The following ARHGEF33 variants were observed in gnomAD, a reference collection of about 807,000 sequenced individuals.
The protein encoded by ARHGEF33 is DH and coiled-coil domain-containing protein ENSP00000381780.
Under a neutral mutation model 101.9 loss-of-function variants are expected in ARHGEF33, and 72 were observed. That is an observed-to-expected ratio of 0.71 (90% CI 0.58 to 0.86). The LOEUF (loss-of-function observed/expected upper bound fraction) is 0.86, where lower values mean the gene tolerates loss of function less well. Among genes scored for constraint, ARHGEF33 ranks in the 40% least tolerant of loss-of-function variants. The probability of loss-of-function intolerance (pLI) is 0.00; values close to 1 mark genes in which losing one functional copy is unlikely to be tolerated. For missense variants in ARHGEF33, 1,169 were observed against 1,111.3 expected, an observed-to-expected ratio of 1.05 and a Z score of -0.74; for synonymous variants, 499 against 442.5, an observed-to-expected ratio of 1.13 and a Z score of -1.60.
In ARHGEF33 at chr2:38,935,807, A is replaced by G. The variant is rs1288304402; in HGVS notation, c.538A>G (p.Ser180Gly). Reference sequence around the variant, plus strand: ...GTCCAGATCTGTTCATGTAGGAGACAGTAATGTAAAAGGAATGATGGGTCC... The same window carrying G: ...GTCCAGATCTGTTCATGTAGGAGACGGTAATGTAAAAGGAATGATGGGTCC... ...QESRSVHVGD[S>G]NVKGMMGPGV... The change falls in exon 8 of 18, where the codon AGT (serine) becomes GGT (glycine). Residue 180 changes from serine to glycine, a missense_variant. Ser to Gly is a moderately conservative substitution (Grantham distance 56). Coordinates refer to ENST00000409978, the MANE Select transcript of ARHGEF33 (RefSeq NM_001145451.5). The G allele has an allele frequency of 2.0e-5, 31 of 1,551,992 alleles. No individual in the cohort carries two copies. Among genetic ancestry groups the G allele is most frequent in the Non-Finnish European group, 2.7e-5 (31 of 1,146,984 alleles).
At chr2:38,913,644 C>T (rs768993365) in intron 2 of ARHGEF33, among the ~76,000 whole-genome samples, 12 of 151,762 alleles carry the variant, frequency 7.9e-5, no homozygotes, top group East Asian at 1.9e-4. Context: ...GGCGTGGTGG[C>T]GCACGCCTGT....
intron 17 of ARHGEF33, among the ~76,000 whole-genome samples, chr2:38,970,452 C>T (rs1271744152): frequency 6.6e-6 from 1 of 152,232 alleles, no homozygotes; most frequent in Non-Finnish European, 1.5e-5. Flanking sequence ...GTCCCTCTCC[C>T]ACTCTTACCC....
At chr2:38,928,394 T>G (rs1323001301) in intron 4 of ARHGEF33, among the ~76,000 whole-genome samples, 2 of 152,126 alleles carry the variant, frequency 1.3e-5, no homozygotes, top group African/African-American at 4.8e-5. Flanking sequence ...CAAGAGTATT[T>G]TTTTTAAAAA....
At chr2:38,890,008 C>T (rs1176118110) in intron 1 of ARHGEF33, 22 bp downstream of exon 1, 4 of 440,796 alleles carry the variant, frequency 9.1e-6, no homozygotes, top group South Asian at 1.7e-5. Context: ...CTTTTATATG[C>T]TTTAAGGGGC....
At chr2:38,933,445 G>A (rs1004349003) in intron 7 of ARHGEF33, among the ~76,000 whole-genome samples, 10 of 151,782 alleles carry the variant, frequency 6.6e-5, no homozygotes, top group African/African-American at 2.4e-4. Context: ...GTACAATGGC[G>A]CGATCTCGGC....
In ARHGEF33 at chr2:38,943,998, G is replaced by C. The variant is rs1182532264; in HGVS notation, c.888G>C (p.Gly296=). 6.4e-7 allele frequency: 1 copy of C among 1,550,882 alleles called. No individual in the cohort carries two copies. The highest frequency in any genetic ancestry group is 1.2e-5 in the South Asian group (1 of 83,726). ...LILKIKATFQ[G]SDGKRNSKER... ...TGAAGATAAAAGCCACATTCCAGGGGTCAGATGGAAAGAGGAATTCCAAAG... is the reference window on the plus strand; with the variant it reads ...TGAAGATAAAAGCCACATTCCAGGGCTCAGATGGAAAGAGGAATTCCAAAG... The change falls in exon 10 of 18, where the codon GGG becomes GGC. Residue 296 remains glycine, a synonymous_variant. Coordinates refer to ENST00000409978, the MANE Select transcript of ARHGEF33 (RefSeq NM_001145451.5).
At chr2:38,942,509 C>T (rs1236002402) in intron 9 of ARHGEF33, among the ~76,000 whole-genome samples, 2 of 129,000 alleles carry the variant, frequency 1.6e-5, no homozygotes, top group South Asian at 2.5e-4. Flanking sequence ...TTCTTTTCTT[C>T]ATCTTCTACC....
chr2:38,937,992 G>A (rs1353679663), intron 9 of ARHGEF33, among the ~76,000 whole-genome samples: 1 of 151,992 alleles, frequency 6.6e-6, no homozygotes, highest in Admixed American at 6.6e-5. Flanking sequence ...AACAATTACT[G>A]TGTCAGACAA....
chr2:38,954,224 T>G (rs561636265), intron 12 of ARHGEF33, 149 bp from the exon 13 acceptor site: 2 of 609,630 alleles, frequency 3.3e-6, no homozygotes, highest in South Asian at 2.0e-5. Flanking sequence ...ACATGTGGCC[T>G]CTCCTATGAG....
chr2:38,911,603 G>C (rs1167206181), intron 2 of ARHGEF33, among the ~76,000 whole-genome samples: 1 of 152,112 alleles, frequency 6.6e-6, no homozygotes, highest in Non-Finnish European at 1.5e-5. Flanking sequence ...AAATTTTTCT[G>C]AATTAATTTT....
chr2:38,934,365 A>T (rs1024133350), intron 7 of ARHGEF33, among the ~76,000 whole-genome samples: 2 of 152,018 alleles, frequency 1.3e-5, no homozygotes, highest in Non-Finnish European at 2.9e-5. Flanking sequence ...TTCTCTTCAG[A>T]CTTATATTTT....
intron 4 of ARHGEF33, among the ~76,000 whole-genome samples, chr2:38,925,977 C>G (rs1339837394): frequency 1.3e-5 from 2 of 152,000 alleles, no homozygotes; most frequent in East Asian, 1.9e-4. Flanking sequence ...TTGGAAGACA[C>G]TGACTAAAAT....
intron 2 of ARHGEF33, among the ~76,000 whole-genome samples, chr2:38,906,202 A>AG (rs1264443803): frequency 1.3e-5 from 2 of 152,012 alleles, no homozygotes; most frequent in East Asian, 1.9e-4. Context: ...AAAAAAAAAA[A>AG]AAAAGAAAAA....
At chr2:38,894,286 C>A (rs1168817497) in intron 1 of ARHGEF33, among the ~76,000 whole-genome samples, 1 of 151,862 alleles carries the variant, frequency 6.6e-6, no homozygotes, top group South Asian at 2.1e-4. Flanking sequence ...GAGCCACAAT[C>A]ACACCACTGC....
rs1419539456 is a variant in ARHGEF33 at position 38,960,123 on chromosome 2, C to A, written c.1818C>A (p.Arg606=). Reference sequence around the variant, plus strand: ...CGGCCGAGCTCCTGCCCGATGCCCGCGGCTTCGTGCCCGCGGCCTACGAAG... The same window carrying A: ...CGGCCGAGCTCCTGCCCGATGCCCGAGGCTTCGTGCCCGCGGCCTACGAAG... The part of the protein sequence containing the change: ...RAPAELLPDA[R]GFVPAAYEEF... The change falls in exon 16 of 18, where the codon CGC becomes CGA. Residue 606 remains arginine (R), a synonymous_variant. Coordinates refer to ENST00000409978, the MANE Select transcript of ARHGEF33 (RefSeq NM_001145451.5). 6.5e-7 allele frequency: 1 copy of A among 1,542,140 alleles called. No homozygotes were observed. The highest frequency in any genetic ancestry group is 8.7e-7 in the Non-Finnish European group (1 of 1,145,412).
chr2:38,901,636 C>T (rs1666241092), intron 2 of ARHGEF33, among the ~76,000 whole-genome samples: 2 of 152,166 alleles, frequency 1.3e-5, no homozygotes, highest in East Asian at 3.8e-4. Flanking sequence ...GTACTAGGAC[C>T]AAAATGCAAA....
chr2:38,890,968 G>GTTTTTTTTTTTTTT (rs11380408), intron 1 of ARHGEF33, among the ~76,000 whole-genome samples: 51 of 144,940 alleles, frequency 3.5e-4, no homozygotes, highest in Non-Finnish European at 5.1e-4. Flanking sequence ...CATACTATTG[G>GTTTTTTTTTTTTTT]TTTTTTTTTT....
At chr2:38,940,630 T>G (rs966282932) in intron 9 of ARHGEF33, among the ~76,000 whole-genome samples, 1 of 152,168 alleles carries the variant, frequency 6.6e-6, no homozygotes, top group Non-Finnish European at 1.5e-5. Flanking sequence ...CTGGTTTTGG[T>G]GGAACACATC....
Position 38,945,411 on chromosome 2 carries a change from A to G in ARHGEF33, c.920+1381A>G, listed in dbSNP as rs554531972. Among the ~76,000 whole-genome samples, 8 of 152,370 alleles carry G rather than the reference A, an allele frequency of 5.3e-5. No homozygotes were observed. In the South Asian group the frequency reaches 1.5e-3, roughly 28 times the overall value. ...ACTACAAAACAGAGGTAAACCAAAT[A>G]TGAAGCAACAAGAACAGAAAGGCTA... On this transcript the variant is annotated intron_variant, in intron 10 of 17. Transcript: ENST00000409978.
Sources: gnomAD v4.1 joint callset for allele counts (sites outside exome capture counted in the v4.1 genomes callset) on GRCh38, gnomAD v4.1.1 for gene constraint, MANE v1.5 for transcripts, NCBI Gene and HGNC (gene_info 2026-07-23, HGNC 2026-07-21) for gene names.